The following SLCO5A1 variants were observed in gnomAD, a reference collection of about 807,000 sequenced individuals.
The protein encoded by SLCO5A1 is solute carrier organic anion transporter family member 5A1.
A neutral mutation model predicts 65.1 loss-of-function variants in SLCO5A1; 39 were observed. The ratio of observed to expected loss-of-function variants is 0.60; its 90% CI spans 0.46 to 0.78. The LOEUF (loss-of-function observed/expected upper bound fraction) is 0.78, where lower values mean the gene tolerates loss of function less well. Among genes scored for constraint, SLCO5A1 ranks in the 30% least tolerant of loss-of-function variants. The probability of loss-of-function intolerance (pLI) is 0.00; values close to 1 mark genes in which losing one functional copy is unlikely to be tolerated. For synonymous variants in SLCO5A1, 438 were observed against 415.7 expected, an observed-to-expected ratio of 1.05 and a Z score of -0.65; for missense variants, 1,029 against 1,069.4, an observed-to-expected ratio of 0.96 and a Z score of 0.53.
intron 4 of SLCO5A1, among the ~76,000 whole-genome samples, chr8:69,748,417 T>C (rs1817136391): frequency 6.6e-6 from 1 of 152,220 alleles, no homozygotes; most frequent in African/African-American, 2.4e-5. Context: ...CTGTTACCAT[T>C]TACCTTTCAC....
At chr8:69,788,623 C>T (rs896838348) in intron 2 of SLCO5A1, among the ~76,000 whole-genome samples, 4 of 152,180 alleles carry the variant, frequency 2.6e-5, no homozygotes, top group African/African-American at 9.6e-5. Flanking sequence ...ATAATCACCC[C>T]TCATATCTCC....
At chr8:69,830,483 A>G (rs1821111705) in intron 2 of SLCO5A1, among the ~76,000 whole-genome samples, 1 of 152,048 alleles carries the variant, frequency 6.6e-6, no homozygotes, top group Non-Finnish European at 1.5e-5. Context: ...ACACACCACC[A>G]CACCCAGCTT....
chr8:69,755,664 T>G (rs1817512099), intron 3 of SLCO5A1, 23 bp from the exon 4 acceptor site: 1 of 1,587,856 alleles, frequency 6.3e-7, no homozygotes, highest in Non-Finnish European at 8.6e-7. Context: ...AAAATGTGAA[T>G]AGCATTTACG....
chr8:69,751,692 G>C (rs1198267766), intron 4 of SLCO5A1, among the ~76,000 whole-genome samples: 1 of 151,944 alleles, frequency 6.6e-6, no homozygotes. Flanking sequence ...GATTACAGGT[G>C]CTCACCACAA....
chr8:69,800,616 A>T (rs1397088865), intron 2 of SLCO5A1, among the ~76,000 whole-genome samples: 1 of 152,138 alleles, frequency 6.6e-6, no homozygotes, highest in African/African-American at 2.4e-5. Context: ...TTCTCAACTT[A>T]TTGAATCCAG....
Position 69,832,850 on chromosome 8 carries a change from C to T in SLCO5A1, c.-177G>A, listed in dbSNP as rs1055261430. The T allele has an allele frequency of 4.3e-6, 3 of 692,698 alleles. No homozygotes were observed. The highest frequency in any genetic ancestry group is 2.8e-5 in the East Asian group (1 of 35,744). 42.9% of individuals were successfully genotyped at this position (692,698 alleles called of 1,614,324 possible). A position where few individuals can be genotyped will look rare whatever the true frequency, so the allele number is the denominator to read the frequency against. The stretch of plus-strand genomic sequence containing the variant: ...CCAGCTGCGAGGCGCCCAGTGCATC[C>T]TGATCACAGACACGGCTTCAAGGCT... On this transcript the variant is annotated 5_prime_UTR_variant, in exon 2 of 10. Coordinates refer to ENST00000260126, the MANE Select transcript of SLCO5A1 (RefSeq NM_030958.3). The surrounding 1 kb of genome is among the most constrained non-coding windows in gnomAD (Gnocchi z 4.5).
intron 2 of SLCO5A1, among the ~76,000 whole-genome samples, chr8:69,799,176 T>G (rs545739767): frequency 1.3e-4 from 20 of 152,346 alleles, no homozygotes; most frequent in African/African-American, 4.8e-4. Flanking sequence ...TTTTGAAAAT[T>G]TATATTTTAC....
intron 2 of SLCO5A1, among the ~76,000 whole-genome samples, chr8:69,828,377 T>C (rs7821300): frequency 0.014 from 2,061 of 150,520 alleles, 19 homozygotes; most frequent in Non-Finnish European, 0.024. Context: ...CCAAGGCGGG[T>C]GGATCACGAG....
intron 6 of SLCO5A1, among the ~76,000 whole-genome samples, chr8:69,686,918 A>C (rs1814026076): frequency 6.6e-6 from 1 of 152,230 alleles, no homozygotes; most frequent in African/African-American, 2.4e-5. Context: ...TGTGAATTTC[A>C]GATTTTATAT....
At chr8:69,800,245 A>AT (rs749384852) in intron 2 of SLCO5A1, among the ~76,000 whole-genome samples, 10,149 of 81,354 alleles carry the variant, frequency 0.12, 1,542 homozygotes, top group African/African-American at 0.21. Context: ...AGACGCTTGA[A>AT]TTTTTTTTTT....
chr8:69,717,882 A>G (rs1223855596), intron 5 of SLCO5A1, among the ~76,000 whole-genome samples: 1 of 152,224 alleles, frequency 6.6e-6, no homozygotes, highest in African/African-American at 2.4e-5. Context: ...GCTAATTAAA[A>G]TATACATAAC....
intron 4 of SLCO5A1, among the ~76,000 whole-genome samples, chr8:69,754,684 CA>C (rs1181351043): frequency 2.0e-5 from 3 of 152,104 alleles, no homozygotes; most frequent in African/African-American, 7.2e-5. Flanking sequence ...AAATACTGAA[CA>C]AATATTGTCT....
intron 6 of SLCO5A1, among the ~76,000 whole-genome samples, chr8:69,704,280 T>C (rs141644963): frequency 1.3e-5 from 2 of 152,314 alleles, no homozygotes; most frequent in East Asian, 3.9e-4. Flanking sequence ...CGTTTTGCTA[T>C]CTGTAAACTC....
intron 2 of SLCO5A1, among the ~76,000 whole-genome samples, chr8:69,813,900 C>T (rs1238533895): frequency 2.0e-5 from 3 of 152,162 alleles, no homozygotes; most frequent in Non-Finnish European, 4.4e-5. Flanking sequence ...GTTAGATCCT[C>T]GGCTTTGGAG....
intron 2 of SLCO5A1, among the ~76,000 whole-genome samples, chr8:69,787,387 C>T (rs1016167175): frequency 1.3e-5 from 2 of 152,228 alleles, no homozygotes; most frequent in African/African-American, 4.8e-5. Flanking sequence ...CCCTAGTTAT[C>T]AGCATCCTCA....
intron 5 of SLCO5A1, among the ~76,000 whole-genome samples, chr8:69,728,140 A>G (rs1263612873): frequency 1.3e-5 from 2 of 152,232 alleles, no homozygotes; most frequent in Non-Finnish European, 2.9e-5. Context: ...GGTACAGAAC[A>G]GGGCATATAG....
At chr8:69,683,088 C>A (rs1363979689) in intron 6 of SLCO5A1, among the ~76,000 whole-genome samples, 3 of 152,084 alleles carry the variant, frequency 2.0e-5, no homozygotes, top group African/African-American at 7.2e-5. Flanking sequence ...AAAATAAATT[C>A]AGGCAACAAA....
chr8:69,710,563 A>G (rs1265512597), intron 5 of SLCO5A1, among the ~76,000 whole-genome samples: 1 of 152,196 alleles, frequency 6.6e-6, no homozygotes, highest in African/African-American at 2.4e-5. Context: ...TATACATGCT[A>G]TCAATGTGAT....
intron 2 of SLCO5A1, among the ~76,000 whole-genome samples, chr8:69,809,506 C>T (rs1820134509): frequency 6.6e-6 from 1 of 152,002 alleles, no homozygotes; most frequent in Non-Finnish European, 1.5e-5. Context: ...AGAATATAGT[C>T]AAATTTTCCA....
Sources: allele counts gnomAD v4.1 joint callset (sites outside exome capture counted in the v4.1 genomes callset), GRCh38; gene constraint gnomAD v4.1.1; non-coding constraint Gnocchi (gnomAD v3.1); transcripts MANE v1.5; gene names NCBI Gene and HGNC (gene_info 2026-07-23, HGNC 2026-07-21).